The following GSAP variants were observed in gnomAD, a reference collection of about 807,000 sequenced individuals.
GSAP encodes gamma-secretase-activating protein.
In GSAP, 118 loss-of-function variants were observed where a neutral mutation model predicts 131.7. The ratio of observed to expected loss-of-function variants is 0.90; its 90% confidence interval spans 0.77 to 1.04. GSAP has a LOEUF of 1.04. GSAP is among the 50% of genes least tolerant of loss of function. The pLI, the probability that GSAP is intolerant of heterozygous loss-of-function variation, is 0.00. For missense variants in GSAP, 1,019 were observed against 1,013.2 expected (o/e 1.01, Z -0.08); for synonymous variants, 381 against 363.4 (o/e 1.05, Z -0.55).
At chr7:77,411,081 T>G (rs1484209292) in intron 1 of GSAP, among the ~76,000 whole-genome samples, 2 of 71,004 alleles carry the variant, frequency 2.8e-5, no homozygotes, top group South Asian at 3.7e-4. Context: ...AAAGGACAGA[T>G]AGTGGCAAGA....
intron 14 of GSAP, among the ~76,000 whole-genome samples, chr7:77,360,054 G>A (rs1262394915): frequency 6.6e-6 from 1 of 152,150 alleles, no homozygotes. Context: ...ACTTTGCTCA[G>A]TTTCCTCACA....
intron 18 of GSAP, chr7:77,351,386 A>G: frequency 1.0e-6 from 1 of 974,112 alleles, no homozygotes; most frequent in Non-Finnish European, 1.2e-6. Flanking sequence ...AAAAATGTGA[A>G]ATCCATGTTT....
At chr7:77,377,583 C>T (rs1193814270) in intron 8 of GSAP, among the ~76,000 whole-genome samples, 193 bp from the exon 9 acceptor site, 2 of 152,158 alleles carry the variant, frequency 1.3e-5, no homozygotes, top group Non-Finnish European at 2.9e-5. Context: ...AATTTCATTG[C>T]CTCCTCTTCT....
chr7:77,353,024 A>C lies in GSAP; in HGVS notation c.1411T>G (p.Ser471Ala). 1 of 1,586,644 alleles carries C rather than the reference A, an allele frequency of 6.3e-7. No individual in the cohort carries two copies. Among genetic ancestry groups the C allele is most frequent in the Non-Finnish European group, 8.7e-7 (1 of 1,155,760 alleles). Residue 471 changes from serine to alanine, a missense_variant and splice_region_variant, in exon 18 of 31, where the codon TCT becomes GCT. Ser to Ala is a moderately conservative substitution (Grantham distance 99, BLOSUM62 1). Coordinates refer to ENST00000257626, the MANE Select transcript of GSAP (RefSeq NM_017439.4). ...FDLIQEFIIA[S>A]SYWSVYSETS... ...TCTGAATATACACTCCAGTATGAAG[A>C]AGCTGAGTAGATTTTTTTTGAAACA...
At chr7:77,344,176 T>C (rs1301414090) in intron 19 of GSAP, among the ~76,000 whole-genome samples, 1 of 152,160 alleles carries the variant, frequency 6.6e-6, no homozygotes, top group African/African-American at 2.4e-5. Flanking sequence ...TTCCCACCTC[T>C]ATACAGTCCA....
chr7:77,320,042 T>TA (rs1301744447), intron 26 of GSAP, among the ~76,000 whole-genome samples: 1 of 152,022 alleles, frequency 6.6e-6, no homozygotes, highest in African/African-American at 2.4e-5. Flanking sequence ...TCTTACACAA[T>TA]AAAAAAATGA....
chr7:77,376,940 AC>A (rs1307510268), intron 9 of GSAP, 33 bp from the exon 10 acceptor site: 2 of 1,207,798 alleles, frequency 1.7e-6, no homozygotes, highest in African/African-American at 1.6e-5. Context: ...ATATTAAAAA[AC>A]CAGGAAAAAA....
chr7:77,339,850 A>AAT (rs1387392608), intron 19 of GSAP, among the ~76,000 whole-genome samples: 1 of 152,252 alleles, frequency 6.6e-6, no homozygotes, highest in Admixed American at 6.5e-5. Context: ...TTTTATACTT[A>AAT]ACTTTTTAAA....
intron 6 of GSAP, among the ~76,000 whole-genome samples, chr7:77,384,665 G>C (rs1453109349): frequency 3.3e-5 from 5 of 151,966 alleles, no homozygotes. Context: ...GTCCCGGATT[G>C]GGATCCAAGC....
At chr7:77,378,794 G>T (rs1797361461) in intron 8 of GSAP, among the ~76,000 whole-genome samples, 1 of 152,182 alleles carries the variant, frequency 6.6e-6, no homozygotes, top group African/African-American at 2.4e-5. Context: ...AACAGAAGCA[G>T]TTAAGAATTA....
intron 26 of GSAP, chr7:77,315,498 C>T (rs1794873257): frequency 1.3e-5 from 2 of 152,182 alleles, no homozygotes; most frequent in South Asian, 4.1e-4. Flanking sequence ...ATCTGATCCT[C>T]ATACAAAAGT....
chr7:77,373,139 C>T (rs1433785034), intron 12 of GSAP, among the ~76,000 whole-genome samples: 2 of 152,166 alleles, frequency 1.3e-5, no homozygotes, highest in Non-Finnish European at 2.9e-5. Flanking sequence ...ACACTAATAT[C>T]TTCTATTAAA....
intron 14 of GSAP, among the ~76,000 whole-genome samples, chr7:77,357,241 G>A (rs1274509067): frequency 1.3e-5 from 2 of 152,114 alleles, no homozygotes; most frequent in Non-Finnish European, 2.9e-5. Flanking sequence ...AATGAACAGG[G>A]AATTTTTGTC....
intron 12 of GSAP, among the ~76,000 whole-genome samples, chr7:77,372,462 T>G (rs942700533): frequency 1.3e-5 from 2 of 152,224 alleles, no homozygotes; most frequent in Non-Finnish European, 2.9e-5. Flanking sequence ...ATTAATGTGA[T>G]TAATTTATTT....
At chr7:77,361,752 C>A (rs897617283) in intron 13 of GSAP, among the ~76,000 whole-genome samples, 8 of 152,130 alleles carry the variant, frequency 5.3e-5, no homozygotes, top group African/African-American at 1.9e-4. Context: ...ATGGTTCAAA[C>A]TAAAACTACT....
rs568172375 is a variant in GSAP at position 77,376,748 on chromosome 7, CGTGTGCGACAGA to C, written c.741+88_741+99del. 1.2e-4 allele frequency: 72 copies of C among 621,988 alleles called. No homozygotes were observed. In the East Asian group the frequency reaches 2.2e-3, roughly 19 times the overall value. The allele number at this position is 621,988 out of a possible 1,614,324, so 38.5% of individuals were successfully genotyped here. ...GCCGAGATCGCGCCACTGCACCCAG[CGTGTGCGACAGA>C]GTGAGACTCCATCTCAAAAAAAAAA... On this transcript the variant is annotated intron_variant, in intron 10 of 30. Transcript: ENST00000257626.
intron 19 of GSAP, among the ~76,000 whole-genome samples, chr7:77,336,438 A>G (rs564021099): frequency 1.3e-5 from 2 of 152,258 alleles, no homozygotes; most frequent in Non-Finnish European, 2.9e-5. Flanking sequence ...AGACACCTCC[A>G]TTGCTACAGA....
intron 2 of GSAP, among the ~76,000 whole-genome samples, chr7:77,405,711 T>C (rs1306769264): frequency 6.6e-6 from 1 of 152,172 alleles, no homozygotes; most frequent in East Asian, 1.9e-4. Context: ...CTCATTTTTG[T>C]ATTTTTTGGT....
At chr7:77,399,524 C>T (rs1317082948) in intron 3 of GSAP, among the ~76,000 whole-genome samples, 1 of 152,150 alleles carries the variant, frequency 6.6e-6, no homozygotes, top group African/African-American at 2.4e-5. Flanking sequence ...CTTGTATGCA[C>T]TACCAGGGAA....
Sources: allele counts gnomAD v4.1 joint callset (sites outside exome capture counted in the v4.1 genomes callset), GRCh38; gene constraint gnomAD v4.1.1; transcripts MANE v1.5; gene names NCBI Gene and HGNC (gene_info 2026-07-23, HGNC 2026-07-21).